The following NRG3 variants were observed in gnomAD, a reference collection of about 807,000 sequenced individuals.
NRG3 encodes neuregulin 3.
A neutral mutation model predicts 66.9 loss-of-function variants in NRG3; 31 were observed. The observed-to-expected ratio is 0.46, with a 90% CI of 0.35 to 0.63. The LOEUF is 0.63. NRG3 is among the 20% of genes least tolerant of loss of function. NRG3 has a pLI of 0.00. For synonymous variants in NRG3, 393 were observed against 359.4 expected (o/e 1.09, Z -1.06); for missense variants, 910 against 878.9 (o/e 1.04, Z -0.45).
rs140789167 is a variant in NRG3, at chr10:82,529,511, G to T, written c.953+170643G>T. 3.2e-3 allele frequency among the ~76,000 whole-genome samples: 491 copies of T among 152,268 alleles called. 2 individuals are homozygous for T. Among genetic ancestry groups the T allele is most frequent in the Non-Finnish European group, 5.7e-3 (390 of 68,004 alleles). On this transcript the variant is annotated intron_variant, in intron 2 of 8. Coordinates refer to ENST00000372141, the MANE Select transcript of NRG3 (RefSeq NM_001010848.4). ...TATTGTATGGAATAAATCTACAACT[G>T]TTTATTTAGTTTGTTGTTTGGCAAT... is the stretch of plus-strand genomic sequence containing the variant.
chr10:81,875,254 C>A lies in NRG3; in HGVS notation c.-87C>A. 1.2e-6 allele frequency: 1 copy of A among 865,680 alleles called. No homozygotes were observed. The highest frequency in any genetic ancestry group is 1.4e-6 in the Non-Finnish European group (1 of 724,278). 53.6% of individuals were successfully genotyped at this position (865,680 alleles called of 1,614,324 possible). ...CCCGAGCCCGCCGCCGCCGCCGGAG[C>A]CCGCGCCCGCGCCCGCGCCCGGCCC... On this transcript the variant is annotated 5_prime_UTR_variant, in exon 1 of 9. Transcript: ENST00000372141. This position sits in a 1 kb window ranked among gnomAD's most constrained non-coding sequence, Gnocchi z 5.3.
intron 3 of NRG3, among the ~76,000 whole-genome samples, chr10:82,818,343 A>C: frequency 6.6e-6 from 1 of 152,152 alleles, no homozygotes; most frequent in Admixed American, 6.5e-5. Context: ...AAGCCCTGCA[A>C]GTCTCCTACT....
chr10:82,818,732 G>T (rs1240914287), intron 3 of NRG3, among the ~76,000 whole-genome samples: 1 of 152,082 alleles, frequency 6.6e-6, no homozygotes, highest in Non-Finnish European at 1.5e-5. Context: ...TTAAGTTTCT[G>T]ATTCTAATGA....
chr10:82,447,825 T>C (rs536166506), intron 2 of NRG3, among the ~76,000 whole-genome samples: 5 of 152,334 alleles, frequency 3.3e-5, no homozygotes, highest in Admixed American at 3.3e-4. Flanking sequence ...TCAATGAATA[T>C]ACAAAATCTC....
chr10:81,995,191 C>T (rs1022562763), intron 1 of NRG3, among the ~76,000 whole-genome samples: 7 of 152,106 alleles, frequency 4.6e-5, no homozygotes, highest in African/African-American at 1.4e-4. Flanking sequence ...ATTTCATCTT[C>T]ATGTTTACGT....
intron 1 of NRG3, among the ~76,000 whole-genome samples, chr10:81,920,415 A>G (rs972066547): frequency 2.6e-5 from 4 of 152,006 alleles, no homozygotes; most frequent in Admixed American, 6.6e-5. Flanking sequence ...AGCCCCCACC[A>G]CTAGGGGGCC....
intron 2 of NRG3, among the ~76,000 whole-genome samples, chr10:82,501,108 A>C (rs2132342201): frequency 6.6e-6 from 1 of 152,226 alleles, no homozygotes; most frequent in Non-Finnish European, 1.5e-5. Flanking sequence ...TATTGTTGCA[A>C]ACTATATGGA....
At chr10:82,903,503 A>T (rs1239807760) in intron 4 of NRG3, among the ~76,000 whole-genome samples, 2 of 152,152 alleles carry the variant, frequency 1.3e-5, no homozygotes, top group East Asian at 3.9e-4. Context: ...AGAAAAAGTT[A>T]AATTGCTTGA....
chr10:82,023,045 G>A (rs1232819721), intron 1 of NRG3, among the ~76,000 whole-genome samples: 3 of 151,274 alleles, frequency 2.0e-5, no homozygotes, highest in Non-Finnish European at 4.4e-5. Context: ...CTTTGGGTTG[G>A]GAACATTCCT....
chr10:82,204,341 T>C (rs1440908098), intron 1 of NRG3, among the ~76,000 whole-genome samples: 1 of 152,226 alleles, frequency 6.6e-6, no homozygotes, highest in East Asian at 1.9e-4. Context: ...ATTGACTCTC[T>C]CCCATTCTTC....
intron 2 of NRG3, among the ~76,000 whole-genome samples, chr10:82,523,595 G>A (rs1410666610): frequency 6.6e-6 from 1 of 151,706 alleles, no homozygotes; most frequent in Non-Finnish European, 1.5e-5. Context: ...TTATTGAACT[G>A]CAATGGTTAT....
chr10:82,018,935 C>T (rs1380179989), intron 1 of NRG3, among the ~76,000 whole-genome samples: 1 of 151,880 alleles, frequency 6.6e-6, no homozygotes, highest in Non-Finnish European at 1.5e-5. Flanking sequence ...TTTTCTTTCT[C>T]CTGTCTTATT....
intron 2 of NRG3, among the ~76,000 whole-genome samples, chr10:82,408,300 T>C (rs2087783645): frequency 6.6e-6 from 1 of 152,064 alleles, no homozygotes; most frequent in South Asian, 2.1e-4. Context: ...TCAAATACTG[T>C]GGTCAAGACT....
At chr10:82,739,167 C>T (rs181771366) in intron 3 of NRG3, among the ~76,000 whole-genome samples, 1 of 152,200 alleles carries the variant, frequency 6.6e-6, no homozygotes, top group East Asian at 1.9e-4. Context: ...TCAGTGATTA[C>T]TGTCCTAAGG....
At chr10:82,281,249 A>T (rs1589576194) in intron 1 of NRG3, among the ~76,000 whole-genome samples, 1 of 152,256 alleles carries the variant, frequency 6.6e-6, no homozygotes, top group Non-Finnish European at 1.5e-5. Context: ...TGGTCTTCTG[A>T]TGTCCAGTCA....
chr10:81,986,833 C>A, intron 1 of NRG3, among the ~76,000 whole-genome samples: 1 of 152,094 alleles, frequency 6.6e-6, no homozygotes, highest in East Asian at 1.9e-4. Context: ...TGCCACCATT[C>A]CCAGCTAATT....
chr10:82,954,710 T>C (rs559874880), intron 5 of NRG3, among the ~76,000 whole-genome samples: 2 of 151,822 alleles, frequency 1.3e-5, no homozygotes, highest in African/African-American at 4.9e-5. Flanking sequence ...CCCTTTTTTT[T>C]CTTTGCTTGA....
rs919929099 is a variant in NRG3, at chr10:82,578,139, C to T, written c.954-160438C>T. ...CTCCTTTCAATATTTAATTCATTAA[C>T]GCAAGCAGATTTTTTAATAGTATAA... On this transcript the variant is annotated intron_variant, in intron 2 of 8. Transcript: ENST00000372141. 3.3e-5 allele frequency among the ~76,000 whole-genome samples: 5 copies of T among 151,162 alleles called. No homozygotes were observed. In the East Asian group the frequency reaches 6.0e-4, roughly 18 times the overall value.
intron 2 of NRG3, among the ~76,000 whole-genome samples, chr10:82,437,743 T>A (rs1305979455): frequency 1.3e-5 from 2 of 152,138 alleles, no homozygotes; most frequent in Non-Finnish European, 2.9e-5. Flanking sequence ...GTTGTTGTTG[T>A]TGATGATGCT....
Sources: gnomAD v4.1 joint callset for allele counts (sites outside exome capture counted in the v4.1 genomes callset) on GRCh38, gnomAD v4.1.1 for gene constraint, Gnocchi (gnomAD v3.1) non-coding constraint, MANE v1.5 for transcripts, NCBI Gene and HGNC (gene_info 2026-07-23, HGNC 2026-07-21) for gene names.